The following CPLX1 variants were observed in gnomAD, a reference collection of about 807,000 sequenced individuals.
CPLX1 encodes the protein complexin-1.
Under a neutral mutation model 15.6 loss-of-function variants are expected in CPLX1, and 6 were observed. The ratio of observed to expected loss-of-function variants is 0.39; its 90% confidence interval spans 0.21 to 0.76. CPLX1 has a LOEUF of 0.76. CPLX1 is among the 30% of genes least tolerant of loss of function. The probability of loss-of-function intolerance (pLI) is 0.43; values close to 1 mark genes in which losing one functional copy is unlikely to be tolerated. For synonymous variants in CPLX1, 91 were observed against 75.2 expected (o/e 1.21, Z -1.08); for missense variants, 242 against 188.6 (o/e 1.28, Z -1.66).
intron 2 of CPLX1, among the ~76,000 whole-genome samples, chr4:806,331 GA>G (rs1746554613): frequency 6.6e-6 from 1 of 152,132 alleles, no homozygotes; most frequent in Non-Finnish European, 1.5e-5. Context: ...GGTGCTGGGA[GA>G]ACTGGCTAGC....
At chr4:805,027 C>T (rs1233006727) in intron 2 of CPLX1, 1 of 759,666 alleles carries the variant, frequency 1.3e-6, no homozygotes, top group African/African-American at 1.9e-5. Context: ...CGCTCGCGCA[C>T]CGTCTGTCTC....
intron 2 of CPLX1, among the ~76,000 whole-genome samples, chr4:808,502 C>G (rs1746598664): frequency 6.6e-6 from 1 of 152,124 alleles, no homozygotes; most frequent in Non-Finnish European, 1.5e-5. Flanking sequence ...AAAAAGCAAC[C>G]AAACAAACCA....
intron 2 of CPLX1, among the ~76,000 whole-genome samples, chr4:821,615 T>C (rs1746864133): frequency 6.6e-6 from 1 of 152,204 alleles, no homozygotes; most frequent in South Asian, 2.1e-4. Flanking sequence ...TTTGCAACTT[T>C]CTGGCCTGAG....
chr4:790,575 C>T (rs1351261234), intron 3 of CPLX1, among the ~76,000 whole-genome samples: 1 of 152,172 alleles, frequency 6.6e-6, no homozygotes, highest in East Asian at 1.9e-4. Flanking sequence ...TCCCCTCAGC[C>T]TGCCCTATCC....
At chr4:825,860 G>T in intron 1 of CPLX1, among the ~76,000 whole-genome samples, 186 bp downstream of exon 1, 1 of 127,212 alleles carries the variant, frequency 7.9e-6, no homozygotes, top group Non-Finnish European at 1.7e-5. Context: ...AGAGACCCGG[G>T]GAGCGGAGGC....
At chr4:787,783 C>A (rs1209699336) in intron 3 of CPLX1, 1 of 985,210 alleles carries the variant, frequency 1.0e-6, no homozygotes, top group Non-Finnish European at 1.2e-6. Context: ...ACTCCTCCAG[C>A]CCTCCCGTGA....
chr4:785,583 G>C lies in CPLX1; in HGVS notation c.*918C>G, dbSNP rs1324193749. 3 of 152,486 alleles carry C rather than the reference G, an allele frequency of 2.0e-5. No homozygotes were observed. In the East Asian group the frequency reaches 5.8e-4, roughly 29 times the overall value. 9.4% of individuals were successfully genotyped at this position (152,486 alleles called of 1,614,324 possible). A position where few individuals can be genotyped will look rare whatever the true frequency, so the allele number is the denominator to read the frequency against. On this transcript the variant is annotated 3_prime_UTR_variant, in exon 4 of 4. Coordinates refer to ENST00000304062, the MANE Select transcript of CPLX1 (RefSeq NM_006651.4). ...GGATGCCGCCCCGCAGGGCCACCAG[G>C]TGGATTAGGCCACACACGCGCCAGC...
At chr4:804,846 C>G in intron 2 of CPLX1, 1 of 981,606 alleles carries the variant, frequency 1.0e-6, no homozygotes, top group South Asian at 4.7e-5. Flanking sequence ...GAGCGACGTG[C>G]TCAGCCTCCA....
intron 3 of CPLX1, among the ~76,000 whole-genome samples, chr4:789,009 A>G (rs1249417442): frequency 6.6e-6 from 1 of 152,202 alleles, no homozygotes; most frequent in Admixed American, 6.5e-5. Context: ...CCCAGGAAGG[A>G]GACCCCAGGC....
chr4:815,932 ATGTC>A (rs1746744667), intron 2 of CPLX1, among the ~76,000 whole-genome samples: 2 of 152,144 alleles, frequency 1.3e-5, no homozygotes, highest in African/African-American at 4.8e-5. Context: ...TTCTGTCTAA[ATGTC>A]TGCAAAATAA....
chr4:819,437 A>T (rs746067212), intron 2 of CPLX1, among the ~76,000 whole-genome samples: 2 of 152,322 alleles, frequency 1.3e-5, no homozygotes, highest in Non-Finnish European at 2.9e-5. Flanking sequence ...AACCCAGCAA[A>T]GTGAGTGAGT....
At chr4:825,867 AG>A (rs1746974480) in intron 1 of CPLX1, among the ~76,000 whole-genome samples, 178 bp downstream of exon 1, 1 of 18,622 alleles carries the variant, frequency 5.4e-5, no homozygotes. Context: ...CGGGGAGCGG[AG>A]GCCGGGGGGA....
intron 2 of CPLX1, among the ~76,000 whole-genome samples, chr4:821,117 C>T (rs1005554953): frequency 3.3e-5 from 5 of 152,320 alleles, no homozygotes; most frequent in South Asian, 4.1e-4. Context: ...TACCACTCTC[C>T]GGGGACAAGG....
intron 2 of CPLX1, among the ~76,000 whole-genome samples, chr4:795,872 C>A (rs552116972): frequency 1.3e-5 from 2 of 152,248 alleles, no homozygotes; most frequent in South Asian, 4.1e-4. Flanking sequence ...CCGCCCACCC[C>A]ACCTCCCGGT....
rs1746455171 is a variant in CPLX1 at position 801,297 on chromosome 4, G to A, written c.32-8689C>T. The stretch of plus-strand genomic sequence containing the variant: ...AGATCGGGCCACTGCACTCCAGTCT[G>A]GGTGACAGAGCGAGACTCTGTCTCA... On this transcript the variant is annotated intron_variant, in intron 2 of 3. Transcript: ENST00000304062. Among the ~76,000 whole-genome samples the A allele has an allele frequency of 2.6e-5, 4 of 152,186 alleles. No homozygotes were observed. The Middle Eastern group carries it at 0.01, about 388-fold the overall frequency.
intron 3 of CPLX1, among the ~76,000 whole-genome samples, chr4:790,154 T>A (rs1307942005): frequency 6.6e-6 from 1 of 152,142 alleles, no homozygotes; most frequent in South Asian, 2.1e-4. Flanking sequence ...GGGGAAGGTG[T>A]GGACGTGGGG....
intron 2 of CPLX1, among the ~76,000 whole-genome samples, chr4:793,518 G>A (rs1472531334): frequency 6.6e-6 from 1 of 152,208 alleles, no homozygotes; most frequent in East Asian, 1.9e-4. Context: ...AGGCACTGCG[G>A]GGAGCCCTGG....
intron 3 of CPLX1, among the ~76,000 whole-genome samples, chr4:791,059 C>G (rs1477627335): frequency 6.6e-6 from 1 of 152,092 alleles, no homozygotes; most frequent in Non-Finnish European, 1.5e-5. Flanking sequence ...CCTCCTGTCC[C>G]CGTCTCCCGC....
chr4:824,794 G>A, intron 1 of CPLX1, 193 bp from the exon 2 acceptor site: 1 of 664,862 alleles, frequency 1.5e-6, no homozygotes, highest in South Asian at 1.5e-5. Flanking sequence ...CCTGAAAATG[G>A]TCTCCCCAGC....
Sources: allele counts gnomAD v4.1 joint callset (sites outside exome capture counted in the v4.1 genomes callset), GRCh38; gene constraint gnomAD v4.1.1; transcripts MANE v1.5; gene names NCBI Gene and HGNC (gene_info 2026-07-23, HGNC 2026-07-21).